Variants in SEPTIN9 observed in about 807,000 individuals in gnomAD.
SEPTIN9 encodes septin 9, also known as septin-9.
SEPTIN9 carries 13 observed loss-of-function variants against 56.6 expected under a neutral mutation model. The observed-to-expected ratio is 0.23, with a 90% CI of 0.15 to 0.37. SEPTIN9 has a LOEUF of 0.37. Ranked by LOEUF, SEPTIN9 falls within the 10% of genes least tolerant of loss-of-function variation. SEPTIN9 has a pLI of 1.00. For synonymous variants in SEPTIN9, 332 were observed against 334.1 expected (o/e 0.99, Z 0.07); for missense variants, 650 against 823.1 (o/e 0.79, Z 2.57).
chr17:77,342,108 A>G (rs1269571655), intron 2 of SEPTIN9, among the ~76,000 whole-genome samples: 1 of 152,028 alleles, frequency 6.6e-6, no homozygotes, highest in Non-Finnish European at 1.5e-5. Context: ...AAAAAGAAAA[A>G]AGAGATCACA....
At chr17:77,480,432 G>A (rs1029026104) in intron 3 of SEPTIN9, among the ~76,000 whole-genome samples, 5 of 151,568 alleles carry the variant, frequency 3.3e-5, no homozygotes, top group Non-Finnish European at 5.9e-5. Flanking sequence ...TGCAGCCAGG[G>A]GGCTCAGTGG....
In SEPTIN9 at chr17:77,367,835, T is replaced by C. The variant is rs528072951; in HGVS notation, c.77-34224T>C. Among the ~76,000 whole-genome samples, 40 of 151,960 alleles carry C rather than the reference T, an allele frequency of 2.6e-4. 2 individuals carry two copies. In the South Asian group the frequency reaches 7.9e-3, roughly 30 times the overall value. ...TCTAAAATAATAATAATGCTAATAA[T>C]AAATAAAATAATAATAATAAAATAA... On this transcript the variant is annotated intron_variant, in intron 2 of 11. Transcript: ENST00000427177. This position sits in a 1 kb window ranked among gnomAD's most constrained non-coding sequence, Gnocchi z 4.5.
In SEPTIN9 at chr17:77,439,163, A is replaced by G. The variant is rs2037456602; in HGVS notation, c.721+36460A>G. On this transcript the variant is annotated intron_variant, in intron 3 of 11. Coordinates refer to ENST00000427177, the MANE Select transcript of SEPTIN9 (RefSeq NM_001113491.2). ...CATGCAGAGTCATGCTGGAATATCA[A>G]GCTAGATAGCCCAGTTCCTGCTCCA... is the stretch of plus-strand genomic sequence containing the variant. 2.0e-5 allele frequency among the ~76,000 whole-genome samples: 3 copies of G among 152,314 alleles called. No individual in the cohort carries two copies. The South Asian group carries it at 6.2e-4, about 32-fold the overall frequency.
chr17:77,487,311 C>A lies in SEPTIN9; in HGVS notation c.914-113C>A. 1 of 1,182,716 alleles carries A rather than the reference C, an allele frequency of 8.5e-7. No individual in the cohort carries two copies. The highest frequency in any genetic ancestry group is 1.3e-5 in the South Asian group (1 of 75,360). The allele number at this position is 1,182,716 out of a possible 1,614,324, so 73.3% of individuals were successfully genotyped here. A position where few individuals can be genotyped will look rare whatever the true frequency, so the allele number is the denominator to read the frequency against. ...GGATATTGCCGGGAGGTAGCCCAGGCACTGCTGAATCTCAGACTGGAGAGC... is the reference window on the plus strand; with the variant it reads ...GGATATTGCCGGGAGGTAGCCCAGGAACTGCTGAATCTCAGACTGGAGAGC... On this transcript the variant is annotated intron_variant, in intron 4 of 11. Coordinates refer to ENST00000427177, the MANE Select transcript of SEPTIN9 (RefSeq NM_001113491.2). The surrounding 1 kb of genome is among the most constrained non-coding windows in gnomAD (Gnocchi z 4.3).
chr17:77,376,487 G>A (rs2034925102), intron 2 of SEPTIN9: 3 of 805,290 alleles, frequency 3.7e-6, no homozygotes, highest in South Asian at 1.1e-4. Flanking sequence ...GGATGTGGGT[G>A]CCTGTCACCA....
chr17:77,361,152 TA>T (rs573312048), intron 2 of SEPTIN9, among the ~76,000 whole-genome samples: 73 of 152,190 alleles, frequency 4.8e-4, no homozygotes, highest in Admixed American at 2.0e-3. Flanking sequence ...TCGAACTCCT[TA>T]CCTAAGGTGA....
rs1452226028 is a variant in SEPTIN9, at chr17:77,487,331, G to T, written c.914-93G>T. ...CCAGGCACTGCTGAATCTCAGACTG[G>T]AGAGCCTCGTGCCTGGGTGGGAGGG... is the stretch of plus-strand genomic sequence containing the variant. On this transcript the variant is annotated intron_variant, in intron 4 of 11. Coordinates refer to ENST00000427177, the MANE Select transcript of SEPTIN9 (RefSeq NM_001113491.2). This position sits in a 1 kb window ranked among gnomAD's most constrained non-coding sequence, Gnocchi z 4.3. 2.2e-6 allele frequency: 3 copies of T among 1,386,680 alleles called. No homozygotes were observed. In the African/African-American group the frequency reaches 4.3e-5, roughly 20 times the overall value. The allele number at this position is 1,386,680 out of a possible 1,614,324, so 85.9% of individuals were successfully genotyped here. A position where few individuals can be genotyped will look rare whatever the true frequency, so the allele number is the denominator to read the frequency against.
At chr17:77,471,488 T>C (rs2038995489) in intron 3 of SEPTIN9, among the ~76,000 whole-genome samples, 1 of 152,262 alleles carries the variant, frequency 6.6e-6, no homozygotes, top group Non-Finnish European at 1.5e-5. Context: ...GATGATTTCA[T>C]AAGTTGGGGG....
chr17:77,297,251 A>G (rs554986709), intron 1 of SEPTIN9, among the ~76,000 whole-genome samples: 18 of 152,290 alleles, frequency 1.2e-4, no homozygotes, highest in Admixed American at 1.1e-3. Context: ...CAAAGGTTTG[A>G]GAGCCTGGGG....
At chr17:77,484,727 AT>A (rs2039630071) in intron 4 of SEPTIN9, among the ~76,000 whole-genome samples, 23 of 21,992 alleles carry the variant, frequency 1.0e-3, no homozygotes, top group African/African-American at 2.2e-3. Flanking sequence ...GGTGGTGGTG[AT>A]TGTGATGGTG....
chr17:77,442,506 TA>T (rs574360726), intron 3 of SEPTIN9, among the ~76,000 whole-genome samples: 5,672 of 91,312 alleles, frequency 0.062, 349 homozygotes, highest in African/African-American at 0.19. Flanking sequence ...CAACTAGTCT[TA>T]AAAAAAAAAA....
chr17:77,284,787 G>A (rs560989092), intron 1 of SEPTIN9, among the ~76,000 whole-genome samples: 5 of 152,140 alleles, frequency 3.3e-5, no homozygotes, highest in South Asian at 2.1e-4. Flanking sequence ...GTGCCACTGC[G>A]CCCAGCTAAT....
chr17:77,488,347 A>G (rs1446128112), intron 6 of SEPTIN9, 26 bp downstream of exon 6: 1 of 1,594,542 alleles, frequency 6.3e-7, no homozygotes, highest in Non-Finnish European at 8.6e-7. Context: ...GGGGAGGAGC[A>G]CTAGCGGGGG....
chr17:77,358,587 C>T (rs892011954), intron 2 of SEPTIN9, among the ~76,000 whole-genome samples: 2 of 152,040 alleles, frequency 1.3e-5, no homozygotes, highest in African/African-American at 2.4e-5. Flanking sequence ...TGCAGTGAGC[C>T]GAGATCGCAC....
intron 11 of SEPTIN9, chr17:77,497,611 CT>C: frequency 1.7e-6 from 1 of 586,722 alleles, no homozygotes; most frequent in African/African-American, 1.9e-5. Flanking sequence ...GAAGGCTGAG[CT>C]TTGATCCACT....
At position 77,318,009 on chromosome 17, in the gene SEPTIN9, C is replaced by T. The variant is rs2032769526; in HGVS notation, c.76+10812C>T. Among the ~76,000 whole-genome samples, 1 of 152,034 alleles carries T rather than the reference C, an allele frequency of 6.6e-6. No homozygotes were observed. The highest frequency in any genetic ancestry group is 2.1e-4 in the South Asian group (1 of 4,830). ...GAGGTTGCAGTGAACTGAGATAGTG[C>T]CACTGTACTCCAGCCTGGGTGGCAG... On this transcript the variant is annotated intron_variant, in intron 2 of 11. Coordinates refer to ENST00000427177, the MANE Select transcript of SEPTIN9 (RefSeq NM_001113491.2). The surrounding 1 kb of genome is among the most constrained non-coding windows in gnomAD (Gnocchi z 4.9).
chr17:77,462,537 G>T (rs1055246331), intron 3 of SEPTIN9, among the ~76,000 whole-genome samples: 15 of 152,254 alleles, frequency 9.9e-5, no homozygotes, highest in Admixed American at 6.5e-5. Context: ...TCCTGCCTTG[G>T]CCTCCCAAAG....
In SEPTIN9 at chr17:77,310,536, G is replaced by C. The variant is rs962731969; in HGVS notation, c.76+3339G>C. 6.6e-6 allele frequency among the ~76,000 whole-genome samples: 1 copy of C among 152,180 alleles called. No homozygotes were observed. Among genetic ancestry groups the C allele is most frequent in the African/African-American group, 2.4e-5 (1 of 41,440 alleles). ...TTTGCCCGTCCCGTGGCCCACTGGT[G>C]ACATCGCCGAAGGTCTTCTCTGTTA... On this transcript the variant is annotated intron_variant, in intron 2 of 11. Coordinates refer to ENST00000427177, the MANE Select transcript of SEPTIN9 (RefSeq NM_001113491.2). The surrounding 1 kb of genome is among the most constrained non-coding windows in gnomAD (Gnocchi z 4.7).
At chr17:77,287,118 C>T (rs1007670963) in intron 1 of SEPTIN9, among the ~76,000 whole-genome samples, 3 of 152,202 alleles carry the variant, frequency 2.0e-5, no homozygotes, top group Non-Finnish European at 4.4e-5. Flanking sequence ...CTTAGCCAGG[C>T]AGGCCTGACG....
Sources: allele counts gnomAD v4.1 joint callset (sites outside exome capture counted in the v4.1 genomes callset), GRCh38; gene constraint gnomAD v4.1.1; non-coding constraint Gnocchi (gnomAD v3.1); transcripts MANE v1.5; gene names NCBI Gene and HGNC (gene_info 2026-07-23, HGNC 2026-07-21).